The following CCNY variants were observed in gnomAD, a reference collection of about 807,000 sequenced individuals.
The protein encoded by CCNY is cyclin-Y.
CCNY carries 19 observed loss-of-function variants against 42.8 expected under a neutral mutation model. The observed-to-expected ratio is 0.44, with a 90% CI of 0.31 to 0.65. The LOEUF (loss-of-function observed/expected upper bound fraction) is 0.65. Ranked by LOEUF, CCNY falls within the 30% of genes least tolerant of loss-of-function variation. The probability of loss-of-function intolerance (pLI) is 0.07; values close to 1 mark genes in which losing one functional copy is unlikely to be tolerated. For missense variants in CCNY, 370 were observed against 437.3 expected (o/e 0.85, Z 1.37); for synonymous variants, 165 against 162.7 (o/e 1.01, Z -0.11).
At position 35,412,890 on chromosome 10, in the gene CCNY, A is replaced by T. The variant is rs988808101; in HGVS notation, c.155-70514A>T. Reference sequence around the variant, plus strand: ...AAAAAAAAAAAAAAAAAAAAAAAAGAATTTGCGCGGCGGGCAAGAGGATGT... The same window carrying T: ...AAAAAAAAAAAAAAAAAAAAAAAAGTATTTGCGCGGCGGGCAAGAGGATGT... On this transcript the variant is annotated intron_variant, in intron 1 of 9. Coordinates refer to ENST00000374704, the MANE Select transcript of CCNY (RefSeq NM_145012.6). Among the ~76,000 whole-genome samples the T allele has an allele frequency of 4.4e-5, 6 of 136,504 alleles. 1 individual carries two copies. The highest frequency in any genetic ancestry group is 1.7e-4 in the African/African-American group (6 of 35,894). 89.6% of individuals were successfully genotyped at this position (136,504 alleles called of 152,430 possible).
intron 3 of CCNY, among the ~76,000 whole-genome samples, chr10:35,330,992 T>C (rs1039494272): frequency 6.6e-6 from 1 of 152,216 alleles, no homozygotes; most frequent in African/African-American, 2.4e-5. Context: ...ACTCTCGACC[T>C]CAGGTGATCC....
chr10:35,333,205 C>T (rs1332544767), upstream of CCNY, among the ~76,000 whole-genome samples: 2 of 152,144 alleles, frequency 1.3e-5, no homozygotes, highest in Admixed American at 6.5e-5. Flanking sequence ...GTGTACCTCT[C>T]CCCTTCTCCA....
chr10:35,457,858 G>T (rs1409539484), intron 1 of CCNY, among the ~76,000 whole-genome samples: 1 of 152,202 alleles, frequency 6.6e-6, no homozygotes, highest in African/African-American at 2.4e-5. Context: ...GGGATTACAG[G>T]CGTGAGCCAC....
At chr10:35,503,593 A>C (rs1353742035) in intron 3 of CCNY, among the ~76,000 whole-genome samples, 3 of 152,238 alleles carry the variant, frequency 2.0e-5, no homozygotes, top group Non-Finnish European at 1.5e-5. Flanking sequence ...AGAACAGTGG[A>C]GAAAGGACGA....
intron 1 of CCNY, among the ~76,000 whole-genome samples, chr10:35,428,878 A>G (rs1838325697): frequency 6.6e-6 from 1 of 152,178 alleles, no homozygotes; most frequent in South Asian, 2.1e-4. Context: ...CAAGTTGGGA[A>G]AGTACCCTGA....
chr10:35,421,327 G>A (rs1331715605), intron 1 of CCNY, among the ~76,000 whole-genome samples: 1 of 152,152 alleles, frequency 6.6e-6, no homozygotes, highest in African/African-American at 2.4e-5. Context: ...TCAGAGGCAC[G>A]GTTTATCATG....
rs34467762 is a variant in CCNY, at chr10:35,275,056, C to CTTTTT, written c.-9+24451_-9+24455dup. On this transcript the variant is annotated intron_variant, in intron 3 of 11. Transcript: ENST00000374706. ...TATTGTTTTTGATTCACCGTCATTC[C>CTTTTT]TTTTTTTTTTTTTTTTTTTTTTTTT... 2.1e-3 allele frequency among the ~76,000 whole-genome samples: 135 copies of CTTTTT among 64,896 alleles called. 2 individuals carry two copies. The highest frequency in any genetic ancestry group is 2.3e-3 in the Non-Finnish European group (89 of 38,034). The allele number at this position is 64,896 out of a possible 152,430, so 42.6% of individuals were successfully genotyped here.
intron 1 of CCNY, among the ~76,000 whole-genome samples, chr10:35,466,135 T>TG (rs950981498): frequency 6.6e-6 from 1 of 151,820 alleles, no homozygotes; most frequent in Non-Finnish European, 1.5e-5. Context: ...TTTGGGGGTA[T>TG]GGGGGGCACA....
intron 3 of CCNY, among the ~76,000 whole-genome samples, chr10:35,273,987 G>T (rs893924658): frequency 1.3e-5 from 2 of 152,102 alleles, no homozygotes; most frequent in Non-Finnish European, 2.9e-5. Flanking sequence ...TCCCAAGTGT[G>T]GAATTTGCTA....
intron 1 of CCNY, among the ~76,000 whole-genome samples, chr10:35,398,834 A>T (rs568074224): frequency 6.6e-6 from 1 of 152,146 alleles, no homozygotes; most frequent in African/African-American, 2.4e-5. Flanking sequence ...ACCAGACCAC[A>T]TTTGTGAGGG....
At chr10:35,304,733 T>C (rs184484437) in intron 3 of CCNY, among the ~76,000 whole-genome samples, 1 of 152,328 alleles carries the variant, frequency 6.6e-6, no homozygotes, top group East Asian at 1.9e-4. Flanking sequence ...CCTTGTAGGA[T>C]GTTTAGCAGA....
chr10:35,491,905 C>T (rs1428978208), intron 2 of CCNY, among the ~76,000 whole-genome samples: 4 of 151,816 alleles, frequency 2.6e-5, no homozygotes, highest in Non-Finnish European at 4.4e-5. Context: ...TGAGCGACCA[C>T]GCCCGGCCTC....
chr10:35,479,519 C>T (rs1222924964), intron 1 of CCNY, among the ~76,000 whole-genome samples: 3 of 134,120 alleles, frequency 2.2e-5, no homozygotes, highest in African/African-American at 8.7e-5. Flanking sequence ...AAAAACCAAA[C>T]ACCGCATATT....
At chr10:35,257,368 C>G (rs565521394) in intron 3 of CCNY, among the ~76,000 whole-genome samples, 1 of 149,870 alleles carries the variant, frequency 6.7e-6, no homozygotes, top group Admixed American at 6.7e-5. Context: ...GTCTCAGACT[C>G]CTGGGCTCGG....
chr10:35,496,535 A>G (rs1217838924), intron 2 of CCNY, among the ~76,000 whole-genome samples: 1 of 152,126 alleles, frequency 6.6e-6, no homozygotes, highest in Non-Finnish European at 1.5e-5. Context: ...TCTATTTTAG[A>G]AATGGAAGAG....
chr10:35,503,790 C>T (rs1229941357), intron 3 of CCNY, among the ~76,000 whole-genome samples: 1 of 152,122 alleles, frequency 6.6e-6, no homozygotes, highest in African/African-American at 2.4e-5. Flanking sequence ...CAGTGGAGCC[C>T]GGGTTGAGTC....
At chr10:35,398,102 G>A (rs1407007066) in intron 1 of CCNY, among the ~76,000 whole-genome samples, 2 of 152,176 alleles carry the variant, frequency 1.3e-5, no homozygotes, top group African/African-American at 2.4e-5. Context: ...CCTGGGGCCC[G>A]TGGAGGCTGA....
intron 1 of CCNY, among the ~76,000 whole-genome samples, chr10:35,427,838 T>C (rs1838302587): frequency 6.6e-6 from 1 of 152,006 alleles, no homozygotes; most frequent in Non-Finnish European, 1.5e-5. Flanking sequence ...GTGCTGACAG[T>C]TGCCAGCAGT....
chr10:35,570,271 T>A lies in CCNY; in HGVS notation c.*1101T>A, dbSNP rs544776486. On this transcript the variant is annotated 3_prime_UTR_variant, in exon 10 of 10. Transcript: ENST00000374704. ...TGGGTTGGGTATTCCAGTGGGAAGA[T>A]CATTGAAGGGAAAAATGTTACTATT... 7 of 152,502 alleles carry A rather than the reference T, an allele frequency of 4.6e-5. No homozygotes were observed. In the South Asian group the frequency reaches 1.5e-3, roughly 32 times the overall value. 9.4% of individuals were successfully genotyped at this position (152,502 alleles called of 1,614,324 possible).
Sources: gnomAD v4.1 joint callset for allele counts (sites outside exome capture counted in the v4.1 genomes callset) on GRCh38, gnomAD v4.1.1 for gene constraint, MANE v1.5 for transcripts, NCBI Gene and HGNC (gene_info 2026-07-23, HGNC 2026-07-21) for gene names.